UAP1: variants seen among roughly 807,000 people sequenced by gnomAD.
The protein encoded by UAP1 is UDP-N-acetylhexosamine pyrophosphorylase.
In UAP1, 25 loss-of-function variants were observed where a neutral mutation model predicts 58.5. That is an observed-to-expected ratio of 0.43 (90% CI 0.31 to 0.60). UAP1 has a LOEUF of 0.60. Among genes scored for constraint, UAP1 ranks in the 20% least tolerant of loss-of-function variants. The probability of loss-of-function intolerance (pLI) is 0.11; values close to 1 mark genes in which losing one functional copy is unlikely to be tolerated. For missense variants in UAP1, 575 were observed against 630.0 expected (o/e 0.91, Z 0.93); for synonymous variants, 208 against 213.0 (o/e 0.98, Z 0.21).
chr1:162,566,783 C>A (rs369689811), intron 2 of UAP1, among the ~76,000 whole-genome samples: 1 of 152,058 alleles, frequency 6.6e-6, no homozygotes, highest in Non-Finnish European at 1.5e-5. Context: ...TGCACTACCA[C>A]GCCTGGCTAA....
intron 9 of UAP1, among the ~76,000 whole-genome samples, chr1:162,596,766 A>T (rs567825903): frequency 6.6e-6 from 1 of 152,316 alleles, no homozygotes; most frequent in South Asian, 2.1e-4. Context: ...AAAGTTTGAG[A>T]CTACGTACTT....
In UAP1 at chr1:162,579,423, G is replaced by A. The variant is rs762866276; in HGVS notation, c.486-5G>A. On this transcript the variant is annotated splice_region_variant and splice_polypyrimidine_tract_variant and intron_variant, in intron 3 of 10. Transcript: ENST00000271469. Reference sequence around the variant, plus strand: ...TGCTTAGAAGATCTGATTTTCTCTTGTAAGGTATATAATGACCAGTGGCAG... The same window carrying A: ...TGCTTAGAAGATCTGATTTTCTCTTATAAGGTATATAATGACCAGTGGCAG... The A allele has an allele frequency of 6.0e-6, 9 of 1,501,116 alleles. No homozygotes were observed. The South Asian group carries it at 8.3e-5, about 14-fold the overall frequency. 93.0% of individuals were successfully genotyped at this position (1,501,116 alleles called of 1,614,324 possible).
chr1:162,593,255 A>G (rs1240467545), intron 9 of UAP1: 1 of 155,324 alleles, frequency 6.4e-6, no homozygotes, highest in African/African-American at 2.4e-5. Context: ...TCTCACACTA[A>G]CAGCTCTCCT....
At chr1:162,593,013 AC>A (rs1393778848) in intron 9 of UAP1, 2 of 538,184 alleles carry the variant, frequency 3.7e-6, no homozygotes, top group East Asian at 5.9e-5. Context: ...GAATCTGACC[AC>A]AGGTGTTAGA....
At chr1:162,581,259 G>A in intron 4 of UAP1, 28 bp from the exon 5 acceptor site, 1 of 1,580,946 alleles carries the variant, frequency 6.3e-7, no homozygotes, top group Non-Finnish European at 8.6e-7. Context: ...ATTTTGATAT[G>A]CTACTAATGG....
chr1:162,567,906 C>T (rs937207890), intron 2 of UAP1, among the ~76,000 whole-genome samples: 1 of 152,150 alleles, frequency 6.6e-6, no homozygotes, highest in African/African-American at 2.4e-5. Context: ...AGCAATACTC[C>T]TGCCTCAGCT....
chr1:162,590,570 T>TTCTCTC (rs113405147), intron 8 of UAP1, 59 bp downstream of exon 8: 205 of 1,290,652 alleles, frequency 1.6e-4, no homozygotes, highest in Admixed American at 2.5e-4. Context: ...CCTCTTGGAC[T>TTCTCTC]TCTCTCTCTC....
At chr1:162,584,583 G>A (rs1238146708) in intron 5 of UAP1, among the ~76,000 whole-genome samples, 1 of 152,110 alleles carries the variant, frequency 6.6e-6, no homozygotes, top group African/African-American at 2.4e-5. Context: ...CCTGGGTTCA[G>A]GTGATCCTCT....
chr1:162,587,331 G>T, intron 5 of UAP1, 144 bp from the exon 6 acceptor site: 2 of 705,678 alleles, frequency 2.8e-6, no homozygotes. Context: ...AAGATGGATA[G>T]TTGATTGTCT....
chr1:162,566,037 C>G, exon 2 of UAP1: 1 of 1,597,196 alleles, frequency 6.3e-7, no homozygotes, highest in Non-Finnish European at 8.5e-7. Context: ...CATTACACCC[C>G]TATTTCTACA....
exon 6 of UAP1, chr1:162,587,660 T>C: frequency 6.2e-7 from 1 of 1,612,388 alleles, no homozygotes; most frequent in Middle Eastern, 1.7e-4. Flanking sequence ...TTCTGAGAGA[T>C]GTTGTCAAGT....
At chr1:162,566,062 G>C (rs776454169) in exon 2 of UAP1, 10 of 1,609,030 alleles carry the variant, frequency 6.2e-6, no homozygotes, top group Non-Finnish European at 8.5e-6. Flanking sequence ...TTGGCTATTA[G>C]AGCATTATGA....
At chr1:162,599,152 T>C (rs1349008814) in intron 10 of UAP1, 119 bp from the exon 11 acceptor site, 2 of 575,776 alleles carry the variant, frequency 3.5e-6, no homozygotes, top group African/African-American at 3.8e-5. Flanking sequence ...TTTTGACTTT[T>C]ATATTCTGCA....
chr1:162,572,378 C>T (rs1653915957), intron 2 of UAP1, among the ~76,000 whole-genome samples: 1 of 152,188 alleles, frequency 6.6e-6, no homozygotes, highest in South Asian at 2.1e-4. Flanking sequence ...ATTTTCATAC[C>T]TGGTTAGACC....
At position 162,574,430 on chromosome 1, in the gene UAP1, A is replaced by G. The variant is rs1001028316; in HGVS notation, c.281-2347A>G. On this transcript the variant is annotated intron_variant, in intron 2 of 10. Coordinates refer to ENST00000271469, the Ensembl canonical transcript of UAP1. ...CTTTATGTTGTTGACCTACTAGTGT[A>G]TTAGCTTTAAGAAAACCCAATATGT... Among the ~76,000 whole-genome samples the G allele has an allele frequency of 5.3e-5, 8 of 152,284 alleles. 1 individual carries two copies. In the Middle Eastern group the frequency reaches 0.01, roughly 194 times the overall value.
chr1:162,579,835 ATTCT>A (rs1398992405), intron 4 of UAP1, among the ~76,000 whole-genome samples: 4 of 152,002 alleles, frequency 2.6e-5, no homozygotes, highest in Non-Finnish European at 5.9e-5. Context: ...CATTCAGGGT[ATTCT>A]TTCTCTATAA....
downstream of UAP1, among the ~76,000 whole-genome samples, chr1:162,601,085 A>T (rs183421416): frequency 2.0e-5 from 3 of 152,326 alleles, no homozygotes; most frequent in East Asian, 5.8e-4. Flanking sequence ...GGTAGTTAAG[A>T]GCAAACTCTG....
At chr1:162,589,156 TTA>T (rs534254448) in intron 7 of UAP1, among the ~76,000 whole-genome samples, 22,517 of 106,272 alleles carry the variant, frequency 0.21, 2,536 homozygotes, top group Middle Eastern at 0.28. Context: ...ATAATATATA[TTA>T]TATATAATAT....
chr1:162,595,344 T>C (rs1655555539), intron 9 of UAP1, among the ~76,000 whole-genome samples: 3 of 152,140 alleles, frequency 2.0e-5, no homozygotes, highest in African/African-American at 7.2e-5. Flanking sequence ...CTACACTGAA[T>C]CCTTCAGGGG....
Sources: allele counts gnomAD v4.1 joint callset (sites outside exome capture counted in the v4.1 genomes callset), GRCh38; gene constraint gnomAD v4.1.1; transcripts MANE v1.5; gene names NCBI Gene and HGNC (gene_info 2026-07-23, HGNC 2026-07-21).